SSBP2: variants seen among roughly 807,000 people sequenced by gnomAD.
The protein encoded by SSBP2 is single stranded DNA binding protein 2.
A neutral mutation model predicts 61.8 loss-of-function variants in SSBP2; 17 were observed. The observed-to-expected ratio is 0.28, with a 90% CI of 0.19 to 0.41. The LOEUF (loss-of-function observed/expected upper bound fraction) is 0.41, where lower values mean the gene tolerates loss of function less well. SSBP2 is among the 10% of genes least tolerant of loss of function. The pLI is 1.00. For synonymous variants in SSBP2, 139 were observed against 141.3 expected, an observed-to-expected ratio of 0.98 and a Z score of 0.12; for missense variants, 310 against 458.7, an observed-to-expected ratio of 0.68 and a Z score of 2.96.
chr5:81,653,898 G>A (rs2153722413), intron 1 of SSBP2, among the ~76,000 whole-genome samples: 1 of 152,088 alleles, frequency 6.6e-6, no homozygotes. Flanking sequence ...CTGTGTATAG[G>A]ATTTTCCAAA....
chr5:81,668,854 A>C (rs530750065), intron 1 of SSBP2, among the ~76,000 whole-genome samples: 5 of 152,310 alleles, frequency 3.3e-5, no homozygotes, highest in African/African-American at 1.2e-4. Flanking sequence ...AATTATCTTT[A>C]CAAATTATTT....
chr5:81,548,705 G>A (rs1391832548), intron 4 of SSBP2, among the ~76,000 whole-genome samples: 3 of 152,072 alleles, frequency 2.0e-5, no homozygotes, highest in East Asian at 1.9e-4. Context: ...GGTGGATCAC[G>A]AGGTCAGGAG....
chr5:81,499,022 T>C (rs1767500613), intron 5 of SSBP2, among the ~76,000 whole-genome samples: 1 of 152,170 alleles, frequency 6.6e-6, no homozygotes, highest in African/African-American at 2.4e-5. Flanking sequence ...CTTTCTGTTT[T>C]TCATGAACAT....
intron 4 of SSBP2, among the ~76,000 whole-genome samples, chr5:81,581,704 G>C (rs1415950828): frequency 6.6e-6 from 1 of 152,090 alleles, no homozygotes; most frequent in African/African-American, 2.4e-5. Flanking sequence ...AGGAAGAATA[G>C]TCTTGTTCTC....
At chr5:81,457,346 A>G (rs1580733302) in intron 10 of SSBP2, among the ~76,000 whole-genome samples, 1 of 152,250 alleles carries the variant, frequency 6.6e-6, no homozygotes, top group Non-Finnish European at 1.5e-5. Context: ...ACTCTGTTAT[A>G]GTTAGCTAAC....
intron 4 of SSBP2, among the ~76,000 whole-genome samples, chr5:81,595,982 C>T (rs1743702380): frequency 6.6e-6 from 1 of 151,992 alleles, no homozygotes; most frequent in Non-Finnish European, 1.5e-5. Flanking sequence ...TCCTATTCAA[C>T]ATAGTGTTGG....
intron 10 of SSBP2, among the ~76,000 whole-genome samples, chr5:81,458,184 A>G (rs1489587810): frequency 6.6e-6 from 1 of 152,248 alleles, no homozygotes; most frequent in Non-Finnish European, 1.5e-5. Context: ...AGAGACACGA[A>G]GTGAATGTAA....
chr5:81,477,618 AC>A lies in SSBP2; in HGVS notation c.433-3057del, dbSNP rs561368115. 2.7e-4 allele frequency among the ~76,000 whole-genome samples: 25 copies of A among 91,498 alleles called. No homozygotes were observed. The South Asian group carries it at 9.9e-3, about 36-fold the overall frequency. 60.0% of individuals were successfully genotyped at this position (91,498 alleles called of 152,430 possible). A position where few individuals can be genotyped will look rare whatever the true frequency, so the allele number is the denominator to read the frequency against. ...TCTCTGCATGGCTACCCCCCGCCCC[AC>A]CCCCCACACCCGCCATGTCCTGGCA... is the stretch of plus-strand genomic sequence containing the variant. On this transcript the variant is annotated intron_variant, in intron 6 of 16. Transcript: ENST00000320672.
chr5:81,574,448 G>A (rs1255968526), intron 4 of SSBP2, among the ~76,000 whole-genome samples: 1 of 151,752 alleles, frequency 6.6e-6, no homozygotes, highest in Non-Finnish European at 1.5e-5. Context: ...AAAATATCTA[G>A]GATACAAGTC....
At chr5:81,567,620 C>A (rs547823326) in intron 4 of SSBP2, among the ~76,000 whole-genome samples, 111 of 152,306 alleles carry the variant, frequency 7.3e-4, no homozygotes, top group Non-Finnish European at 1.4e-3. Flanking sequence ...AGGCCACCAT[C>A]CTCCAGACCC....
intron 5 of SSBP2, among the ~76,000 whole-genome samples, chr5:81,498,415 T>C (rs1767451054): frequency 6.6e-6 from 1 of 152,068 alleles, no homozygotes; most frequent in East Asian, 1.9e-4. Flanking sequence ...CTCTGATACT[T>C]TCTTTGCACT....
At chr5:81,528,864 A>T (rs1037744008) in intron 4 of SSBP2, among the ~76,000 whole-genome samples, 5 of 152,100 alleles carry the variant, frequency 3.3e-5, no homozygotes, top group African/African-American at 7.2e-5. Flanking sequence ...AAATTCATCA[A>T]GCAAAACTGA....
chr5:81,610,264 G>C (rs558917913), intron 4 of SSBP2, among the ~76,000 whole-genome samples: 1 of 152,266 alleles, frequency 6.6e-6, no homozygotes, highest in East Asian at 1.9e-4. Flanking sequence ...GAAAAATCCT[G>C]TGTCAGAAGA....
chr5:81,551,096 G>GAAAAAAA (rs35816072), intron 4 of SSBP2, among the ~76,000 whole-genome samples: 1 of 80,222 alleles, frequency 1.2e-5, no homozygotes, highest in Non-Finnish European at 2.5e-5. Context: ...ACTCCATCTC[G>GAAAAAAA]AAAAAAAAAA....
At chr5:81,586,998 A>T (rs1406115979) in intron 4 of SSBP2, among the ~76,000 whole-genome samples, 2 of 152,114 alleles carry the variant, frequency 1.3e-5, no homozygotes. Context: ...GTGTTACTCC[A>T]CTAAGAAGGG....
chr5:81,518,118 T>G (rs1176956210), intron 4 of SSBP2, among the ~76,000 whole-genome samples: 2 of 152,022 alleles, frequency 1.3e-5, no homozygotes, highest in East Asian at 1.9e-4. Context: ...TTTGGTAAAA[T>G]AGGAAAAATA....
chr5:81,643,616 T>A (rs923065228), intron 2 of SSBP2, among the ~76,000 whole-genome samples: 3 of 144,238 alleles, frequency 2.1e-5, no homozygotes, highest in South Asian at 4.6e-4. Context: ...TTTTTTTTTT[T>A]TTTTGAGATG....
intron 3 of SSBP2, among the ~76,000 whole-genome samples, chr5:81,625,475 T>C (rs1747055574): frequency 6.6e-6 from 1 of 152,102 alleles, no homozygotes; most frequent in Admixed American, 6.6e-5. Flanking sequence ...TCATGAATAA[T>C]ACTTTAGAGT....
intron 1 of SSBP2, among the ~76,000 whole-genome samples, chr5:81,650,831 TCTC>T (rs1413987372): frequency 1.3e-5 from 2 of 152,260 alleles, no homozygotes; most frequent in Non-Finnish European, 2.9e-5. Flanking sequence ...CTCAGCAACT[TCTC>T]CTTATTCTTT....
Sources: allele counts gnomAD v4.1 joint callset (sites outside exome capture counted in the v4.1 genomes callset), GRCh38; gene constraint gnomAD v4.1.1; transcripts MANE v1.5; gene names NCBI Gene and HGNC (gene_info 2026-07-23, HGNC 2026-07-21).